ZNF891: variants seen among roughly 807,000 people sequenced by gnomAD.
The protein encoded by ZNF891 is hCG1646157.
For synonymous variants in ZNF891, 199 were observed against 209.0 expected (o/e 0.95, Z 0.41); for missense variants, 589 against 632.7 (o/e 0.93, Z 0.74).
In ZNF891 at chr12:133,121,804, A is replaced by T. The variant is rs1223006525; in HGVS notation, c.115T>A (p.Leu39Ile). The change falls in exon 2 of 2, where the codon TTA (leucine) becomes ATA (isoleucine). Residue 39 changes from leucine to isoleucine, a missense_variant. By Grantham distance (5) the Leu-to-Ile change is conservative (BLOSUM62 2). Coordinates refer to ENST00000537226, the MANE Select transcript of ZNF891 (RefSeq NM_001277291.2). The stretch of plus-strand genomic sequence containing the variant: ...TCTTTGAAAGTCATTGGTTCCTGTA[A>T]CCAGGTTGTCAGAAATACAGCAATC... ...RMIAVFLTTWLQEPMTFKDVA... is the reference protein window; with the variant it reads ...RMIAVFLTTWIQEPMTFKDVA... The T allele has an allele frequency of 6.5e-7, 1 of 1,536,816 alleles. No homozygotes were observed. Among genetic ancestry groups the T allele is most frequent in the East Asian group, 2.4e-5 (1 of 40,922 alleles).
chr12:133,117,206 A>G lies in ZNF891; in HGVS notation c.*3078T>C, dbSNP rs1296895512. 4 of 152,206 alleles carry G rather than the reference A, an allele frequency of 2.6e-5. No individual in the cohort carries two copies. Among genetic ancestry groups the G allele is most frequent in the Admixed American group, 6.5e-5 (1 of 15,288 alleles). The allele number at this position is 152,206 out of a possible 1,614,324, so 9.4% of individuals were successfully genotyped here. ...AGCAGATAATCTTACCATGAAACCT[A>G]TAATCATATATCTATATTTTACTGG... On this transcript the variant is annotated 3_prime_UTR_variant, in exon 2 of 2. Coordinates refer to ENST00000537226, the MANE Select transcript of ZNF891 (RefSeq NM_001277291.2).
At chr12:133,128,771 G>T (rs1178321890) in intron 1 of ZNF891, among the ~76,000 whole-genome samples, 3 of 145,522 alleles carry the variant, frequency 2.1e-5, no homozygotes, top group African/African-American at 7.6e-5. Flanking sequence ...CCAGCCTGGA[G>T]ACAGAGTGAA....
Position 133,120,273 on chromosome 12 carries a change from A to G in ZNF891, c.*11T>C, listed in dbSNP as rs1955741822. 1.3e-6 allele frequency: 2 copies of G among 1,511,912 alleles called. No individual in the cohort carries two copies. Among genetic ancestry groups the G allele is most frequent in the Non-Finnish European group, 1.8e-6 (2 of 1,131,550 alleles). 93.7% of individuals were successfully genotyped at this position (1,511,912 alleles called of 1,614,324 possible). A position where few individuals can be genotyped will look rare whatever the true frequency, so the allele number is the denominator to read the frequency against. ...AAGACAATGAAAACAGCAATTCCAC[A>G]TTCATAACACTTACAGGGTTTCTCT... is the stretch of plus-strand genomic sequence containing the variant. On this transcript the variant is annotated 3_prime_UTR_variant, in exon 2 of 2. Coordinates refer to ENST00000537226, the MANE Select transcript of ZNF891 (RefSeq NM_001277291.2).
chr12:133,119,839 C>T lies in ZNF891; in HGVS notation c.*445G>A. On this transcript the variant is annotated 3_prime_UTR_variant, in exon 2 of 2. Transcript: ENST00000537226. Reference sequence around the variant, plus strand: ...CAGCAAGAATGAATGATATGGCTACCCTTAGCTACAAGAAGTCAAAGAAGC... The same window carrying T: ...CAGCAAGAATGAATGATATGGCTACTCTTAGCTACAAGAAGTCAAAGAAGC... 6.3e-6 allele frequency: 1 copy of T among 158,274 alleles called. No homozygotes were observed. The highest frequency in any genetic ancestry group is 1.4e-5 in the Non-Finnish European group (1 of 71,520). The allele number at this position is 158,274 out of a possible 1,614,324, so 9.8% of individuals were successfully genotyped here.
At position 133,108,969 on chromosome 12, in the gene ZNF891, G is replaced by T. The variant is rs1003746972; in HGVS notation, c.*11315C>A. 1 of 152,068 alleles carries T rather than the reference G, an allele frequency of 6.6e-6. No individual in the cohort carries two copies. Among genetic ancestry groups the T allele is most frequent in the African/African-American group, 2.4e-5 (1 of 41,414 alleles). The allele number at this position is 152,068 out of a possible 1,614,324, so 9.4% of individuals were successfully genotyped here. On this transcript the variant is annotated 3_prime_UTR_variant, in exon 2 of 2. Transcript: ENST00000537226. ...CAGTGTCCAATCTTTTGGCATCCCTGGGCCACATTGGAAGAATTGTCTTGG... is the reference window on the plus strand; with the variant it reads ...CAGTGTCCAATCTTTTGGCATCCCTTGGCCACATTGGAAGAATTGTCTTGG...
Position 133,108,410 on chromosome 12 carries a change from C to A in ZNF891, c.*11874G>T, listed in dbSNP as rs1237803204. On this transcript the variant is annotated 3_prime_UTR_variant, in exon 2 of 2. Transcript: ENST00000537226. ...TTATTTATTTATTTAAGAGTATACT[C>A]AATTTCTCCCATTATCTGCTCCACA... is the stretch of plus-strand genomic sequence containing the variant. 6.6e-6 allele frequency: 1 copy of A among 151,956 alleles called. No individual in the cohort carries two copies. Among genetic ancestry groups the A allele is most frequent in the Non-Finnish European group, 1.5e-5 (1 of 67,980 alleles). 9.4% of individuals were successfully genotyped at this position (151,956 alleles called of 1,614,324 possible).
chr12:133,106,334 G>A lies in ZNF891; in HGVS notation c.*13950C>T, dbSNP rs1411650243. ...TATTAAACATCAGAGAATTCATGCT[G>A]GAGAAAAGCTCTATGAATGTGATGA... On this transcript the variant is annotated 3_prime_UTR_variant, in exon 2 of 2. Transcript: ENST00000537226. 3 of 1,614,162 alleles carry A rather than the reference G, an allele frequency of 1.9e-6. No individual in the cohort carries two copies. Among genetic ancestry groups the A allele is most frequent in the Admixed American group, 3.3e-5 (2 of 60,022 alleles).
chr12:133,125,926 T>G (rs1955810954), intron 1 of ZNF891: 1 of 482,646 alleles, frequency 2.1e-6, no homozygotes, highest in Admixed American at 2.1e-5. Context: ...ATGCTCTGGA[T>G]GTTGCCAACA....
chr12:133,121,536 T>G lies in ZNF891; in HGVS notation c.383A>C (p.Lys128Thr). ...QPKTKESTVQ[K>T]ILWEEPSNAV... ...ATTGGATGGTTCCTCCCACAAAATT[T>G]TCTGCACAGTTGATTCTTTGGTTTT... is the stretch of plus-strand genomic sequence containing the variant. Residue 128 changes from lysine to threonine, a missense_variant, in exon 2 of 2, where the codon AAA becomes ACA. Coordinates refer to ENST00000537226, the MANE Select transcript of ZNF891 (RefSeq NM_001277291.2). 1 of 1,536,470 alleles carries G rather than the reference T, an allele frequency of 6.5e-7. No individual in the cohort carries two copies. Among genetic ancestry groups the G allele is most frequent in the South Asian group, 1.2e-5 (1 of 84,066 alleles).
At chr12:133,123,722 C>A (rs1328729785) in intron 1 of ZNF891, among the ~76,000 whole-genome samples, 37 of 142,758 alleles carry the variant, frequency 2.6e-4, no homozygotes, top group Admixed American at 1.3e-3. Flanking sequence ...AAAAAAAAAA[C>A]AAAAACACAC....
rs983795034 is a variant in ZNF891, at chr12:133,113,609, T to C, written c.*6675A>G. ...TGAAACAGGTGAATATTGTTACTTATACATGAAAAATCCTTTTATAAAATC... is the reference window on the plus strand; with the variant it reads ...TGAAACAGGTGAATATTGTTACTTACACATGAAAAATCCTTTTATAAAATC... On this transcript the variant is annotated 3_prime_UTR_variant, in exon 2 of 2. Transcript: ENST00000537226. 1 of 152,254 alleles carries C rather than the reference T, an allele frequency of 6.6e-6. No homozygotes were observed. The highest frequency in any genetic ancestry group is 1.5e-5 in the Non-Finnish European group (1 of 68,036). The allele number at this position is 152,254 out of a possible 1,614,324, so 9.4% of individuals were successfully genotyped here.
chr12:133,114,143 T>G lies in ZNF891; in HGVS notation c.*6141A>C, dbSNP rs1955702949. 2 of 152,160 alleles carry G rather than the reference T, an allele frequency of 1.3e-5. No homozygotes were observed. The highest frequency in any genetic ancestry group is 6.6e-5 in the Admixed American group (1 of 15,260). 9.4% of individuals were successfully genotyped at this position (152,160 alleles called of 1,614,324 possible). A position where few individuals can be genotyped will look rare whatever the true frequency, so the allele number is the denominator to read the frequency against. On this transcript the variant is annotated 3_prime_UTR_variant, in exon 2 of 2. Coordinates refer to ENST00000537226, the MANE Select transcript of ZNF891 (RefSeq NM_001277291.2). ...CATAATGGAACAGAATATGAACACT[T>G]GCTCTACAAAAAATAAGTCTGTGTA...
In ZNF891 at chr12:133,108,682, A is replaced by G. The variant is rs1386442796; in HGVS notation, c.*11602T>C. On this transcript the variant is annotated 3_prime_UTR_variant, in exon 2 of 2. Coordinates refer to ENST00000537226, the MANE Select transcript of ZNF891 (RefSeq NM_001277291.2). Reference sequence around the variant, plus strand: ...CTCTAGTTTTTGTTGAGTGCAGCCAACATTGAGAACGTTTACTTTGGAGCA... The same window carrying G: ...CTCTAGTTTTTGTTGAGTGCAGCCAGCATTGAGAACGTTTACTTTGGAGCA... The G allele has an allele frequency of 6.6e-6, 1 of 152,256 alleles. No individual in the cohort carries two copies. Among genetic ancestry groups the G allele is most frequent in the Admixed American group, 6.5e-5 (1 of 15,278 alleles). The allele number at this position is 152,256 out of a possible 1,614,324, so 9.4% of individuals were successfully genotyped here.
Position 133,120,025 on chromosome 12 carries a change from T to A in ZNF891, c.*259A>T, listed in dbSNP as rs541797787. 13 of 318,402 alleles carry A rather than the reference T, an allele frequency of 4.1e-5. No individual in the cohort carries two copies. Among genetic ancestry groups the A allele is most frequent in the Admixed American group, 1.3e-4 (3 of 22,690 alleles). 19.7% of individuals were successfully genotyped at this position (318,402 alleles called of 1,614,324 possible). On this transcript the variant is annotated 3_prime_UTR_variant, in exon 2 of 2. Coordinates refer to ENST00000537226, the MANE Select transcript of ZNF891 (RefSeq NM_001277291.2). ...ACAAAGCAGTAAAATATAGTCCAGA[T>A]TCTCTGAACACAATGGAATTAACCT...
At chr12:133,128,881 C>T (rs2137629609) in intron 1 of ZNF891, among the ~76,000 whole-genome samples, 1 of 151,230 alleles carries the variant, frequency 6.6e-6, no homozygotes, top group Admixed American at 6.6e-5. Context: ...GACCCCCCTC[C>T]CCAAAAAAGA....
Position 133,121,713 on chromosome 12 carries a change from C to G in ZNF891, c.206G>C (p.Arg69Thr), listed in dbSNP as rs1004104773. 1 of 1,536,544 alleles carries G rather than the reference C, an allele frequency of 6.5e-7. No individual in the cohort carries two copies. Among genetic ancestry groups the G allele is most frequent in the Non-Finnish European group, 8.7e-7 (1 of 1,146,946 alleles). Residue 69 changes from arginine (R) to threonine (T), a missense_variant, in exon 2 of 2, where the codon AGA becomes ACA. Transcript: ENST00000537226. ...TCTATAGTTTTCCAACATCACATCT[C>G]TGTACAGACTTCTTTGAGCAGAATC... The part of the protein sequence containing the change: ...MLDSAQRSLY[R>T]DVMLENYRNL...
intron 1 of ZNF891, among the ~76,000 whole-genome samples, chr12:133,124,770 TAGC>T (rs1395034462): frequency 4.8e-5 from 7 of 146,496 alleles, no homozygotes; most frequent in Non-Finnish European, 1.1e-4. Flanking sequence ...TCTCAGTCTT[TAGC>T]ATACGATTGA....
chr12:133,106,593 A>C lies in ZNF891; in HGVS notation c.*13691T>G. ...CATCAGAGGACACACACTCTTGACA[A>C]CCCCTATGAATATGAAAATTCATTT... On this transcript the variant is annotated 3_prime_UTR_variant, in exon 2 of 2. Transcript: ENST00000537226. The C allele has an allele frequency of 6.2e-7, 1 of 1,610,186 alleles. No individual in the cohort carries two copies. The highest frequency in any genetic ancestry group is 8.5e-7 in the Non-Finnish European group (1 of 1,178,982).
Position 133,119,504 on chromosome 12 carries a change from C to A in ZNF891, c.*780G>T, listed in dbSNP as rs1424727920. On this transcript the variant is annotated 3_prime_UTR_variant, in exon 2 of 2. Coordinates refer to ENST00000537226, the MANE Select transcript of ZNF891 (RefSeq NM_001277291.2). ...GTTGCAGTGAGCTGAGATTGTGCCA[C>A]TGCACTCCAGCCTGGGCAACATACC... 1 of 152,316 alleles carries A rather than the reference C, an allele frequency of 6.6e-6. No individual in the cohort carries two copies. Among genetic ancestry groups the A allele is most frequent in the Admixed American group, 6.5e-5 (1 of 15,286 alleles). The allele number at this position is 152,316 out of a possible 1,614,324, so 9.4% of individuals were successfully genotyped here. A position where few individuals can be genotyped will look rare whatever the true frequency, so the allele number is the denominator to read the frequency against.
Sources: gnomAD v4.1 joint callset for allele counts (sites outside exome capture counted in the v4.1 genomes callset) on GRCh38, gnomAD v4.1.1 for gene constraint, MANE v1.5 for transcripts, NCBI Gene and HGNC (gene_info 2026-07-23, HGNC 2026-07-21) for gene names.